The following DYNC2H1 variants were observed in gnomAD, a reference collection of about 807,000 sequenced individuals.
The protein encoded by DYNC2H1 is cytoplasmic dynein 2 heavy chain 1.
DYNC2H1 carries 410 observed loss-of-function variants against 570.0 expected under a neutral mutation model. That is an observed-to-expected ratio of 0.72 (90% CI 0.66 to 0.78). The LOEUF is 0.78. DYNC2H1 is among the 30% of genes least tolerant of loss of function. The probability of loss-of-function intolerance (pLI) is 0.00; values close to 1 mark genes in which losing one functional copy is unlikely to be tolerated. For missense variants in DYNC2H1, 4,865 were observed against 5,046.4 expected (o/e 0.96, Z 1.09); for synonymous variants, 1,688 against 1,677.6 (o/e 1.01, Z -0.15).
At chr11:103,126,636 ATTTTT>A (rs35586253) in intron 12 of DYNC2H1, among the ~76,000 whole-genome samples, 2 of 112,830 alleles carry the variant, frequency 1.8e-5, no homozygotes. Flanking sequence ...TAGAACTCAT[ATTTTT>A]TTTTTTTTTT....
chr11:103,178,900 A>G, intron 38 of DYNC2H1, 126 bp from the exon 39 acceptor site: 1 of 904,996 alleles, frequency 1.1e-6, no homozygotes, highest in Non-Finnish European at 1.6e-6. Context: ...AGGATTGCGC[A>G]TGGGTTCTTC....
intron 82 of DYNC2H1, among the ~76,000 whole-genome samples, chr11:103,357,616 T>C (rs929543657): frequency 4.6e-5 from 7 of 152,228 alleles, no homozygotes; most frequent in African/African-American, 7.2e-5. Flanking sequence ...ATAGAGACAC[T>C]GAGCGGTTAT....
chr11:103,437,829 C>G (rs562986027), intron 85 of DYNC2H1, among the ~76,000 whole-genome samples: 8 of 152,190 alleles, frequency 5.3e-5, no homozygotes, highest in African/African-American at 9.6e-5. Flanking sequence ...CTATATTACA[C>G]TATGTAAGTA....
chr11:103,220,270 GA>G, intron 56 of DYNC2H1, among the ~76,000 whole-genome samples: 1 of 152,060 alleles, frequency 6.6e-6, no homozygotes, highest in East Asian at 1.9e-4. Flanking sequence ...ATTGCAGAGG[GA>G]AAAAATGTGT....
At chr11:103,346,638 T>G (rs1047136896) in intron 82 of DYNC2H1, among the ~76,000 whole-genome samples, 2 of 152,206 alleles carry the variant, frequency 1.3e-5, no homozygotes, top group African/African-American at 4.8e-5. Context: ...ATCATAGACT[T>G]GATTTTCAAA....
At chr11:103,388,177 C>CT (rs1254822205) in intron 83 of DYNC2H1, among the ~76,000 whole-genome samples, 2 of 151,822 alleles carry the variant, frequency 1.3e-5, no homozygotes, top group African/African-American at 4.8e-5. Context: ...CTTTTATTTC[C>CT]TTGAGCAGTG....
chr11:103,419,746 A>G (rs1943414632), intron 84 of DYNC2H1, among the ~76,000 whole-genome samples: 1 of 152,004 alleles, frequency 6.6e-6, no homozygotes, highest in Non-Finnish European at 1.5e-5. Context: ...TGACTGCAAC[A>G]CCTCTACTGC....
intron 87 of DYNC2H1, among the ~76,000 whole-genome samples, chr11:103,466,071 G>A (rs1945185501): frequency 6.6e-6 from 1 of 151,900 alleles, no homozygotes; most frequent in Non-Finnish European, 1.5e-5. Flanking sequence ...AGACAGTATG[G>A]TGCTGGTTTA....
intron 31 of DYNC2H1, among the ~76,000 whole-genome samples, chr11:103,167,238 A>C (rs1262035247): frequency 2.0e-5 from 3 of 151,050 alleles, no homozygotes; most frequent in Admixed American, 2.0e-4. Context: ...TACTTCTTAG[A>C]GCACTTTTAT....
rs1859393878 is a variant in DYNC2H1, at chr11:103,133,803, A to T, written c.2106+96A>T. ...TAAAAACTTATTTTGAAATAATTTG[A>T]GACTTAAAGTTACAAAAATAGTACA... is the stretch of plus-strand genomic sequence containing the variant. On this transcript the variant is annotated intron_variant, in intron 14 of 88. Transcript: ENST00000375735. The surrounding 1 kb of genome is among the most constrained non-coding windows in gnomAD (Gnocchi z 4.8). The T allele has an allele frequency of 1.5e-6, 2 of 1,299,772 alleles. No homozygotes were observed. Among genetic ancestry groups the T allele is most frequent in the African/African-American group, 3.0e-5 (2 of 66,222 alleles). 80.5% of individuals were successfully genotyped at this position (1,299,772 alleles called of 1,614,324 possible).
intron 82 of DYNC2H1, among the ~76,000 whole-genome samples, chr11:103,342,011 T>C (rs1197055612): frequency 6.6e-6 from 1 of 152,166 alleles, no homozygotes; most frequent in Non-Finnish European, 1.5e-5. Context: ...TGTGGTGGCA[T>C]GTGCCTATAG....
intron 83 of DYNC2H1, among the ~76,000 whole-genome samples, chr11:103,394,964 C>A (rs1042719675): frequency 6.6e-5 from 10 of 152,134 alleles, no homozygotes; most frequent in South Asian, 2.1e-4. Context: ...ATGCTGTTTT[C>A]TTTCCTTTTT....
chr11:103,443,610 T>C (rs1262150907), intron 85 of DYNC2H1, among the ~76,000 whole-genome samples: 1 of 151,846 alleles, frequency 6.6e-6, no homozygotes, highest in African/African-American at 2.4e-5. Flanking sequence ...GAACTCCTTT[T>C]ACTTCATCTC....
chr11:103,132,141 T>C (rs1859311107), intron 13 of DYNC2H1, among the ~76,000 whole-genome samples: 1 of 152,084 alleles, frequency 6.6e-6, no homozygotes, highest in Non-Finnish European at 1.5e-5. Flanking sequence ...AATATATATA[T>C]ATTAACTCTT....
intron 83 of DYNC2H1, among the ~76,000 whole-genome samples, chr11:103,386,953 A>G (rs1941908484): frequency 6.6e-6 from 1 of 151,782 alleles, no homozygotes; most frequent in South Asian, 2.1e-4. Flanking sequence ...TAGTGCAGCA[A>G]TAAACATACG....
At chr11:103,184,164 A>G (rs753555694) in intron 40 of DYNC2H1, among the ~76,000 whole-genome samples, 7 of 151,892 alleles carry the variant, frequency 4.6e-5, no homozygotes, top group Non-Finnish European at 5.9e-5. Context: ...ACTGTTTCCC[A>G]CAACATTCTG....
chr11:103,259,268 C>T (rs1272670035), intron 69 of DYNC2H1, among the ~76,000 whole-genome samples: 1 of 152,128 alleles, frequency 6.6e-6, no homozygotes, highest in African/African-American at 2.4e-5. Context: ...AGGTTGACAA[C>T]CTACCCTTCC....
chr11:103,392,183 T>C (rs1044501709), intron 83 of DYNC2H1, among the ~76,000 whole-genome samples: 13 of 152,200 alleles, frequency 8.5e-5, no homozygotes, highest in Non-Finnish European at 1.6e-4. Flanking sequence ...GTTTACCTAC[T>C]CAAGCCTGGG....
chr11:103,436,704 C>G (rs1944075864), intron 85 of DYNC2H1, among the ~76,000 whole-genome samples: 1 of 151,982 alleles, frequency 6.6e-6, no homozygotes, highest in African/African-American at 2.4e-5. Flanking sequence ...ATCACTCATC[C>G]CTGCTCCACC....
Sources: gnomAD v4.1 joint callset for allele counts (sites outside exome capture counted in the v4.1 genomes callset) on GRCh38, gnomAD v4.1.1 for gene constraint, Gnocchi (gnomAD v3.1) non-coding constraint, MANE v1.5 for transcripts, NCBI Gene and HGNC (gene_info 2026-07-23, HGNC 2026-07-21) for gene names.